The following PIP4K2A variants were observed in gnomAD, a reference collection of about 807,000 sequenced individuals.
The protein encoded by PIP4K2A is phosphatidylinositol-5-phosphate 4-kinase type 2 alpha.
Under a neutral mutation model 42.9 loss-of-function variants are expected in PIP4K2A, and 14 were observed. That is an observed-to-expected ratio of 0.33 (90% CI 0.22 to 0.51). The LOEUF (loss-of-function observed/expected upper bound fraction) is 0.51, where lower values mean the gene tolerates loss of function less well. PIP4K2A is among the 20% of genes least tolerant of loss of function. The probability of loss-of-function intolerance (pLI) is 0.97; values close to 1 mark genes in which losing one functional copy is unlikely to be tolerated. For synonymous variants in PIP4K2A, 192 were observed against 192.2 expected (o/e 1.00, Z 0.01); for missense variants, 434 against 519.8 (o/e 0.83, Z 1.61).
chr10:22,664,232 C>T lies in PIP4K2A; in HGVS notation c.144+49951G>A, dbSNP rs574516344. On this transcript the variant is annotated intron_variant, in intron 1 of 9. Coordinates refer to ENST00000376573, the MANE Select transcript of PIP4K2A (RefSeq NM_005028.5). ...ATATATATATACATATATATATACA[C>T]ACACACACACACACACACATATATA... Among the ~76,000 whole-genome samples, 29 of 98,258 alleles carry T rather than the reference C, an allele frequency of 3.0e-4. 1 individual carries two copies. The highest frequency in any genetic ancestry group is 6.4e-3 in the Middle Eastern group (1 of 156). The allele number at this position is 98,258 out of a possible 152,430, so 64.5% of individuals were successfully genotyped here. A position where few individuals can be genotyped will look rare whatever the true frequency, so the allele number is the denominator to read the frequency against.
chr10:22,680,355 G>A (rs1398395615), intron 1 of PIP4K2A, among the ~76,000 whole-genome samples: 2 of 152,166 alleles, frequency 1.3e-5, no homozygotes, highest in South Asian at 2.1e-4. Context: ...CGAATTATGA[G>A]TAATTTAAAT....
At chr10:22,615,445 G>C (rs1487025462) in intron 1 of PIP4K2A, among the ~76,000 whole-genome samples, 1 of 152,070 alleles carries the variant, frequency 6.6e-6, no homozygotes, top group African/African-American at 2.4e-5. Flanking sequence ...CTTATATTGG[G>C]AACACGCACA....
chr10:22,673,537 T>G (rs1438638048), intron 1 of PIP4K2A, among the ~76,000 whole-genome samples: 1 of 151,962 alleles, frequency 6.6e-6, no homozygotes. Flanking sequence ...GAATAAAAAT[T>G]ATTCTAATAC....
intron 1 of PIP4K2A, chr10:22,691,759 C>T (rs1046661811): frequency 1.3e-5 from 2 of 152,164 alleles, no homozygotes; most frequent in African/African-American, 2.4e-5. Flanking sequence ...TTCAGGAGCA[C>T]ACCTCAAACA....
At chr10:22,669,274 A>G (rs1484455146) in intron 1 of PIP4K2A, among the ~76,000 whole-genome samples, 1 of 152,180 alleles carries the variant, frequency 6.6e-6, no homozygotes, top group Non-Finnish European at 1.5e-5. Context: ...CCGCATAACG[A>G]CACTGCAGTC....
intron 3 of PIP4K2A, among the ~76,000 whole-genome samples, chr10:22,594,112 C>T (rs1837570852): frequency 6.6e-6 from 1 of 152,256 alleles, no homozygotes; most frequent in Middle Eastern, 3.4e-3. Context: ...GAAGTAGATG[C>T]TGCTGCTGGA....
intron 1 of PIP4K2A, among the ~76,000 whole-genome samples, chr10:22,683,773 T>C (rs1222849875): frequency 6.6e-6 from 1 of 151,850 alleles, no homozygotes; most frequent in African/African-American, 2.4e-5. Flanking sequence ...GTTTGGTACC[T>C]CTTTCAGTCG....
At chr10:22,550,547 T>G (rs571793397) in intron 7 of PIP4K2A, 112 bp downstream of exon 7, 2 of 728,868 alleles carry the variant, frequency 2.7e-6, no homozygotes, top group Non-Finnish European at 5.0e-6. Flanking sequence ...AGGTAGAGTA[T>G]GCAGGTTTTT....
rs149298164 is a variant in PIP4K2A at position 22,634,151 on chromosome 10, C to T, written c.145-24434G>A. ...ACAGAGCAGCTGAGAGGCAATGCCA[C>T]CCTGAGCACCTGTGAAAACTGTGTC... On this transcript the variant is annotated intron_variant, in intron 1 of 9. Transcript: ENST00000376573. Among the ~76,000 whole-genome samples the T allele has an allele frequency of 4.7e-3, 713 of 152,354 alleles. 8 individuals carry two copies. Among genetic ancestry groups the T allele is most frequent in the Admixed American group, 7.0e-3 (107 of 15,304 alleles).
chr10:22,587,053 C>G (rs1020611617), intron 4 of PIP4K2A, among the ~76,000 whole-genome samples: 2 of 152,158 alleles, frequency 1.3e-5, no homozygotes, highest in Admixed American at 6.5e-5. Flanking sequence ...CTTGAACCAC[C>G]TGCCATCCCA....
At chr10:22,573,998 C>T (rs1252875756) in intron 4 of PIP4K2A, among the ~76,000 whole-genome samples, 3 of 152,264 alleles carry the variant, frequency 2.0e-5, no homozygotes, top group Non-Finnish European at 4.4e-5. Context: ...ATAGCACCCT[C>T]GCTCCTGCTC....
At chr10:22,685,987 TCTCC>T (rs1230997352) in intron 1 of PIP4K2A, among the ~76,000 whole-genome samples, 1 of 152,154 alleles carries the variant, frequency 6.6e-6, no homozygotes, top group African/African-American at 2.4e-5. Flanking sequence ...CACGCCATCC[TCTCC>T]CTCTCATTCC....
intron 1 of PIP4K2A, among the ~76,000 whole-genome samples, chr10:22,619,533 T>A (rs559250432): frequency 6.6e-6 from 1 of 150,636 alleles, no homozygotes; most frequent in Admixed American, 6.6e-5. Flanking sequence ...GCCTCCTGGG[T>A]TCAAGCAATT....
chr10:22,589,714 G>C (rs1254595985), intron 4 of PIP4K2A, among the ~76,000 whole-genome samples: 1 of 152,190 alleles, frequency 6.6e-6, no homozygotes, highest in East Asian at 1.9e-4. Context: ...AGACATCTAG[G>C]AGCTCACAAG....
intron 1 of PIP4K2A, among the ~76,000 whole-genome samples, chr10:22,689,152 C>G (rs1839813357): frequency 6.6e-6 from 1 of 152,080 alleles, no homozygotes; most frequent in African/African-American, 2.4e-5. Context: ...TCCCACTGTC[C>G]TTCCTCCCCT....
chr10:22,547,206 T>G (rs1471300335), intron 7 of PIP4K2A, among the ~76,000 whole-genome samples: 1 of 152,230 alleles, frequency 6.6e-6, no homozygotes, highest in Non-Finnish European at 1.5e-5. Flanking sequence ...TGAAGTAGAA[T>G]TAAAATGCCA....
intron 1 of PIP4K2A, among the ~76,000 whole-genome samples, chr10:22,661,251 G>A (rs1197844609): frequency 6.6e-6 from 1 of 150,822 alleles, no homozygotes; most frequent in Non-Finnish European, 1.5e-5. Context: ...ATCAGATGGA[G>A]TTTTCTCATG....
intron 4 of PIP4K2A, among the ~76,000 whole-genome samples, chr10:22,588,352 A>C (rs1177357580): frequency 6.6e-6 from 1 of 150,514 alleles, no homozygotes; most frequent in African/African-American, 2.5e-5. Context: ...TTGTTTTATC[A>C]GGTCAGATGT....
At chr10:22,601,192 C>T (rs936479108) in intron 3 of PIP4K2A, among the ~76,000 whole-genome samples, 4 of 131,406 alleles carry the variant, frequency 3.0e-5, no homozygotes, top group South Asian at 2.7e-4. Context: ...CCAAGGCTCA[C>T]GGTAAACACA....
Sources: allele counts gnomAD v4.1 joint callset (sites outside exome capture counted in the v4.1 genomes callset), GRCh38; gene constraint gnomAD v4.1.1; transcripts MANE v1.5; gene names NCBI Gene and HGNC (gene_info 2026-07-23, HGNC 2026-07-21).